COL5A1: variants seen among roughly 807,000 people sequenced by gnomAD.
The protein encoded by COL5A1 is collagen alpha-1(V) chain.
Under a neutral mutation model 263.7 loss-of-function variants are expected in COL5A1, and 16 were observed. The ratio of observed to expected loss-of-function variants is 0.06; its 90% CI spans 0.04 to 0.09. COL5A1 has a LOEUF of 0.09. COL5A1 is among the 10% of genes least tolerant of loss of function. The probability of loss-of-function intolerance (pLI) is 1.00; values close to 1 mark genes in which losing one functional copy is unlikely to be tolerated. For synonymous variants in COL5A1, 1,012 were observed against 1,004.5 expected (o/e 1.01, Z -0.14); for missense variants, 2,036 against 2,540.5 (o/e 0.80, Z 4.27).
chr9:134,767,335 T>C lies in COL5A1; in HGVS notation c.2213T>C (p.Ile738Thr), dbSNP rs1836712451. 1 of 1,614,068 alleles carries C rather than the reference T, an allele frequency of 6.2e-7. No homozygotes were observed. Among genetic ancestry groups the C allele is most frequent in the Non-Finnish European group, 8.5e-7 (1 of 1,180,022 alleles). The change falls in exon 24 of 66, where the codon ATT becomes ACT. Residue 738 changes from isoleucine (I) to threonine (T), a missense_variant. By Grantham distance (89) the Ile-to-Thr change is moderately conservative. This residue lies in a region of COL5A1 where 1,078 missense variants were observed against 1,521.4 expected (regional missense o/e 0.71). Transcript: ENST00000371817. ...GGTCTTCCAGGCCCCCAGGGTGCAA[T>C]TGGTCCTCCAGGAGAAAAGGTAGGT... is the stretch of plus-strand genomic sequence containing the variant. ...AQGLPGPQGA[I>T]GPPGEKGPLG... is the part of the protein sequence containing the mutation.
At chr9:134,811,294 C>A (rs2132844072) in intron 44 of COL5A1, 45 bp from the exon 45 acceptor site, 1 of 1,592,910 alleles carries the variant, frequency 6.3e-7, no homozygotes, top group Non-Finnish European at 8.6e-7. Context: ...TCAGCCTTAT[C>A]CACGATCCAA....
rs1396942556 is a variant in COL5A1 at position 134,715,422 on chromosome 9, A to G, written c.655-11844A>G. On this transcript the variant is annotated intron_variant, in intron 4 of 65. Coordinates refer to ENST00000371817, the MANE Select transcript of COL5A1 (RefSeq NM_000093.5). ...AGACAGATGCCTTCCTCTTATCTCAACTGCAAAGAGGCCTTCCTCTTTTAC... is the reference window on the plus strand; with the variant it reads ...AGACAGATGCCTTCCTCTTATCTCAGCTGCAAAGAGGCCTTCCTCTTTTAC... Among the ~76,000 whole-genome samples the G allele has an allele frequency of 2.6e-5, 4 of 152,162 alleles. 1 individual carries two copies. The South Asian group carries it at 6.3e-4, about 24-fold the overall frequency.
At chr9:134,792,088 G>C (rs1837709039) in intron 32 of COL5A1, among the ~76,000 whole-genome samples, 1 of 152,220 alleles carries the variant, frequency 6.6e-6, no homozygotes, top group Non-Finnish European at 1.5e-5. Flanking sequence ...AGAGCTGTGG[G>C]GTCAGGAGGT....
chr9:134,754,424 C>A lies in COL5A1; in HGVS notation c.1827+98C>A. 3 of 1,389,830 alleles carry A rather than the reference C, an allele frequency of 2.2e-6. No homozygotes were observed. In the South Asian group the frequency reaches 3.5e-5, roughly 16 times the overall value. The allele number at this position is 1,389,830 out of a possible 1,614,324, so 86.1% of individuals were successfully genotyped here. ...GCACCCCCAACAGCCAGCTGGGCCA[C>A]ATGAAGCCAGGTGGCTCCCCTTCTT... On this transcript the variant is annotated intron_variant, in intron 16 of 65. Coordinates refer to ENST00000371817, the MANE Select transcript of COL5A1 (RefSeq NM_000093.5). The surrounding 1 kb of genome is among the most constrained non-coding windows in gnomAD (Gnocchi z 4.3).
chr9:134,681,588 G>A lies in COL5A1; in HGVS notation c.110-9324G>A, dbSNP rs1466739154. Among the ~76,000 whole-genome samples the A allele has an allele frequency of 6.6e-6, 1 of 152,162 alleles. No individual in the cohort carries two copies. The highest frequency in any genetic ancestry group is 1.5e-5 in the Non-Finnish European group (1 of 68,016). On this transcript the variant is annotated intron_variant, in intron 1 of 65. Coordinates refer to ENST00000371817, the MANE Select transcript of COL5A1 (RefSeq NM_000093.5). This position sits in a 1 kb window ranked among gnomAD's most constrained non-coding sequence, Gnocchi z 4.3. ...GTCACTGGCTCCAGAGTGGAATAGCGCTTGGGACTGGGGTGGACTGGGCAC... is the reference window on the plus strand; with the variant it reads ...GTCACTGGCTCCAGAGTGGAATAGCACTTGGGACTGGGGTGGACTGGGCAC...
At chr9:134,744,338 C>G (rs1337266932) in intron 11 of COL5A1, among the ~76,000 whole-genome samples, 1 of 151,950 alleles carries the variant, frequency 6.6e-6, no homozygotes, top group African/African-American at 2.4e-5. Context: ...CACACACACT[C>G]ATGCCTACGT....
intron 1 of COL5A1, among the ~76,000 whole-genome samples, chr9:134,668,384 G>C (rs1372498950): frequency 6.6e-6 from 1 of 152,190 alleles, no homozygotes; most frequent in Non-Finnish European, 1.5e-5. Flanking sequence ...CTGAGGAACA[G>C]AATGTGCAAA....
intron 18 of COL5A1, among the ~76,000 whole-genome samples, chr9:134,759,572 C>T (rs1441252463): frequency 7.1e-6 from 1 of 140,670 alleles, no homozygotes; most frequent in African/African-American, 2.8e-5. Context: ...CATGCACACA[C>T]CACACACCCC....
At chr9:134,737,942 C>T (rs1037617913) in intron 9 of COL5A1, among the ~76,000 whole-genome samples, 3 of 152,164 alleles carry the variant, frequency 2.0e-5, no homozygotes, top group African/African-American at 2.4e-5. Context: ...TGGGAGGATG[C>T]ACCTCTTACC....
chr9:134,764,725 A>C (rs969616154), intron 20 of COL5A1, among the ~76,000 whole-genome samples: 3 of 152,076 alleles, frequency 2.0e-5, no homozygotes, highest in Non-Finnish European at 4.4e-5. Flanking sequence ...GTGCCTGCAG[A>C]CTCATTTGGG....
intron 37 of COL5A1, among the ~76,000 whole-genome samples, chr9:134,799,029 C>A (rs1838017724): frequency 6.6e-6 from 1 of 152,188 alleles, no homozygotes; most frequent in African/African-American, 2.4e-5. Context: ...CTGCAATGTC[C>A]CTTTTTACAC....
chr9:134,836,603 C>A (rs1039230931), intron 65 of COL5A1, among the ~76,000 whole-genome samples: 3 of 152,210 alleles, frequency 2.0e-5, no homozygotes, highest in Non-Finnish European at 2.9e-5. Context: ...GGCAGGAAAG[C>A]CAGAGGGTGG....
chr9:134,839,271 G>A (rs1018982022), intron 65 of COL5A1, among the ~76,000 whole-genome samples: 2 of 152,206 alleles, frequency 1.3e-5, no homozygotes, highest in African/African-American at 4.8e-5. Flanking sequence ...GGCGCCTCTG[G>A]GGGGCCGTTC....
intron 32 of COL5A1, among the ~76,000 whole-genome samples, chr9:134,793,749 G>A (rs940669351): frequency 3.3e-5 from 5 of 152,292 alleles, no homozygotes; most frequent in African/African-American, 7.2e-5. Context: ...CCTGTAGAAC[G>A]CCTATCACTG....
intron 63 of COL5A1, among the ~76,000 whole-genome samples, chr9:134,827,658 G>A (rs1157820755): frequency 9.8e-5 from 15 of 152,340 alleles, no homozygotes; most frequent in Middle Eastern, 3.4e-3. Flanking sequence ...GCTGCTGAGC[G>A]ACCCCAGGCT....
chr9:134,781,291 C>T (rs1464376574), intron 28 of COL5A1, among the ~76,000 whole-genome samples: 1 of 152,258 alleles, frequency 6.6e-6, no homozygotes, highest in African/African-American at 2.4e-5. Flanking sequence ...TGAGCCTGTG[C>T]CATCTCGGCT....
intron 9 of COL5A1, among the ~76,000 whole-genome samples, chr9:134,736,403 CCATCCTGT>C (rs1348628827): frequency 1.3e-5 from 2 of 152,294 alleles, no homozygotes; most frequent in East Asian, 3.9e-4. Context: ...GTGACTGCTG[CCATCCTGT>C]CATCAAGAGC....
At chr9:134,751,154 C>A (rs966269196) in intron 13 of COL5A1, among the ~76,000 whole-genome samples, 1 of 151,048 alleles carries the variant, frequency 6.6e-6, no homozygotes, top group Non-Finnish European at 1.5e-5. Context: ...CCAGTAGGGA[C>A]CCCGAGAGCG....
At chr9:134,769,797 G>A (rs1282774102) in intron 25 of COL5A1, among the ~76,000 whole-genome samples, 4 of 151,916 alleles carry the variant, frequency 2.6e-5, no homozygotes, top group Non-Finnish European at 5.9e-5. Context: ...GGGCCTGGGT[G>A]TGAAGGTGGC....
Sources: gnomAD v4.1 joint callset for allele counts (sites outside exome capture counted in the v4.1 genomes callset) on GRCh38, gnomAD v4.1.1 for gene constraint, gnomAD v4.1.1 regional missense constraint, Gnocchi (gnomAD v3.1) non-coding constraint, MANE v1.5 for transcripts, NCBI Gene and HGNC (gene_info 2026-07-23, HGNC 2026-07-21) for gene names.